Variants in GPX5 observed in about 807,000 individuals in gnomAD.
GPX5 encodes glutathione peroxidase 5, also known as epididymal secretory glutathione peroxidase.
A neutral mutation model predicts 23.8 loss-of-function variants in GPX5; 20 were observed. That is an observed-to-expected ratio of 0.84 (90% CI 0.59 to 1.22). The LOEUF is 1.22. GPX5 is among the 50% of genes most tolerant of loss of function. The pLI, the probability that GPX5 is intolerant of heterozygous loss-of-function variation, is 0.00. For synonymous variants in GPX5, 92 were observed against 99.5 expected, an observed-to-expected ratio of 0.92 and a Z score of 0.45; for missense variants, 230 against 266.6, an observed-to-expected ratio of 0.86 and a Z score of 0.96.
At chr6:28,531,370 C>CAAAAAAAAA in intron 2 of GPX5, among the ~76,000 whole-genome samples, 1 of 50,110 alleles carries the variant, frequency 2.0e-5, no homozygotes, top group Non-Finnish European at 3.6e-5. Context: ...GAATCTGTCT[C>CAAAAAAAAA]AAAAAAAAAA....
chr6:28,531,878 G>C lies in GPX5; in HGVS notation c.342G>C (p.Glu114Asp), dbSNP rs753507134. The change falls in exon 3 of 5, where the codon GAG (glutamate) becomes GAC (aspartate). Residue 114 changes from glutamate (E) to aspartate (D), a missense_variant. Physicochemically the swap from Glu to Asp is conservative, Grantham distance 45 (BLOSUM62 2). Coordinates refer to ENST00000412168, the MANE Select transcript of GPX5 (RefSeq NM_001509.3). ...FGKQEPGDNKEILPGLKYVRP... is the reference protein window; with the variant it reads ...FGKQEPGDNKDILPGLKYVRP... ...AGCAAGAACCAGGAGATAACAAAGA[G>C]ATTCTTCCTGGGCTCAAGTACGTGT... The C allele has an allele frequency of 3.1e-6, 5 of 1,612,626 alleles. No homozygotes were observed. The highest frequency in any genetic ancestry group is 4.2e-6 in the Non-Finnish European group (5 of 1,178,840).
chr6:28,527,260 A>T (rs1763225384), intron 1 of GPX5, among the ~76,000 whole-genome samples: 1 of 152,220 alleles, frequency 6.6e-6, no homozygotes, highest in Non-Finnish European at 1.5e-5. Context: ...AAAAGAAAAA[A>T]AAAAGGCAAA....
At chr6:28,532,978 G>A (rs1193653060) in intron 4 of GPX5, among the ~76,000 whole-genome samples, 2 of 152,066 alleles carry the variant, frequency 1.3e-5, no homozygotes, top group Non-Finnish European at 2.9e-5. Context: ...AAAATTAGCT[G>A]GGTGTGGTGG....
intron 1 of GPX5, 104 bp downstream of exon 1, chr6:28,526,204 T>A: frequency 2.3e-6 from 2 of 875,222 alleles, no homozygotes; most frequent in Admixed American, 3.8e-5. Context: ...TTTCTTCTTC[T>A]TTGCCAGTTC....
chr6:28,528,813 GTATA>G lies in GPX5; in HGVS notation c.88-574_88-571del, dbSNP rs70983945. Among the ~76,000 whole-genome samples, 11 of 95,710 alleles carry G rather than the reference GTATA, an allele frequency of 1.1e-4. No homozygotes were observed. In the East Asian group the frequency reaches 2.6e-3, roughly 23 times the overall value. 62.8% of individuals were successfully genotyped at this position (95,710 alleles called of 152,430 possible). On this transcript the variant is annotated intron_variant, in intron 1 of 4. Coordinates refer to ENST00000412168, the MANE Select transcript of GPX5 (RefSeq NM_001509.3). ...TATATGTGTATATATATATATGTGT[GTATA>G]TATATATATATATATATATATATAT...
rs1763348564 is a variant in GPX5 at position 28,532,503 on chromosome 6, G to T, written c.459+83G>T. 9 of 894,716 alleles carry T rather than the reference G, an allele frequency of 1.0e-5. No homozygotes were observed. The South Asian group carries it at 1.4e-4, about 14-fold the overall frequency. 55.4% of individuals were successfully genotyped at this position (894,716 alleles called of 1,614,324 possible). On this transcript the variant is annotated intron_variant, in intron 4 of 4. Transcript: ENST00000412168. ...TGGTGTGGCAGAAATGGATCCAAGGGCTCATGCCCAGAGGTGGGATTGGTC... is the reference window on the plus strand; with the variant it reads ...TGGTGTGGCAGAAATGGATCCAAGGTCTCATGCCCAGAGGTGGGATTGGTC...
rs1763203406 is a variant in GPX5 at position 28,526,085 on chromosome 6, G to A, written c.72G>A (p.Lys24=). The change falls in exon 1 of 5, where the codon AAG becomes AAA. Residue 24 remains lysine (K), a synonymous_variant. Coordinates refer to ENST00000412168, the MANE Select transcript of GPX5 (RefSeq NM_001509.3). ...CCTGCTTTGTGCAAACAAGTCCCAA[G>A]CAGGAGAAGATGAAGGTGAGTGAGC... ...LLACFVQTSP[K]QEKMKMDCHK... 1.2e-6 allele frequency: 2 copies of A among 1,612,820 alleles called. No homozygotes were observed. The highest frequency in any genetic ancestry group is 1.1e-5 in the South Asian group (1 of 91,022).
intron 1 of GPX5, chr6:28,528,342 G>A (rs900774753): frequency 6.6e-6 from 1 of 152,070 alleles, no homozygotes; most frequent in Non-Finnish European, 1.5e-5. Context: ...TTTTACTCAT[G>A]GGGAAACTGA....
At chr6:28,533,892 G>A (rs1452712668) in intron 4 of GPX5, 69 bp from the exon 5 acceptor site, 5 of 1,033,840 alleles carry the variant, frequency 4.8e-6, no homozygotes, top group Non-Finnish European at 6.9e-6. Context: ...ATTACCTGTG[G>A]GTAAAAATAG....
At chr6:28,532,485 G>T in intron 4 of GPX5, 65 bp downstream of exon 4, 1 of 1,078,498 alleles carries the variant, frequency 9.3e-7, no homozygotes, top group South Asian at 1.4e-5. Flanking sequence ...AGTTGGTGTG[G>T]CAGAAATGGA....
chr6:28,528,091 G>A (rs1763241394), intron 1 of GPX5: 1 of 152,222 alleles, frequency 6.6e-6, no homozygotes, highest in African/African-American at 2.4e-5. Context: ...GGGCTGATGA[G>A]CTGGGTGATG....
chr6:28,529,452 T>G lies in GPX5; in HGVS notation c.89T>G (p.Met30Arg). Residue 30 changes from methionine (M) to arginine (R), a missense_variant and splice_region_variant, in exon 2 of 5, where the codon ATG becomes AGG. By Grantham distance (91) the Met-to-Arg change is moderately conservative. Transcript: ENST00000412168. ...QTSPKQEKMK[M>R]DCHKDEKGTI... ...TATCACTTAAAAAAAATCTTCCAGA[T>G]GGATTGCCACAAAGACGAGAAAGGC... 1.2e-6 allele frequency: 2 copies of G among 1,604,410 alleles called. No homozygotes were observed. Among genetic ancestry groups the G allele is most frequent in the Admixed American group, 3.4e-5 (2 of 58,538 alleles).
rs1763398080 is a variant in GPX5 at position 28,534,800 on chromosome 6, A to G, written c.*633A>G. 1 of 152,166 alleles carries G rather than the reference A, an allele frequency of 6.6e-6. No individual in the cohort carries two copies. Among genetic ancestry groups the G allele is most frequent in the Non-Finnish European group, 1.5e-5 (1 of 68,058 alleles). The allele number at this position is 152,166 out of a possible 1,614,324, so 9.4% of individuals were successfully genotyped here. A position where few individuals can be genotyped will look rare whatever the true frequency, so the allele number is the denominator to read the frequency against. ...CTCTGGCCCTACAAAAGTTTTCCTA[A>G]TTGTCTGATCTTTAGTGCATTCAGG... On this transcript the variant is annotated 3_prime_UTR_variant, in exon 5 of 5. Coordinates refer to ENST00000412168, the MANE Select transcript of GPX5 (RefSeq NM_001509.3).
In GPX5 at chr6:28,534,197, T is replaced by C. The variant is rs780148040; in HGVS notation, c.*30T>C. On this transcript the variant is annotated 3_prime_UTR_variant, in exon 5 of 5. Transcript: ENST00000412168. ...GTGGAGTTAAGGGCAGGAGCAACCC[T>C]ACTTCTCACCTAATGACTTGCTCTC... 28 of 1,480,710 alleles carry C rather than the reference T, an allele frequency of 1.9e-5. No homozygotes were observed. In the East Asian group the frequency reaches 6.4e-4, roughly 34 times the overall value. The allele number at this position is 1,480,710 out of a possible 1,614,324, so 91.7% of individuals were successfully genotyped here.
chr6:28,527,729 T>C (rs552576522), intron 1 of GPX5: 1 of 152,338 alleles, frequency 6.6e-6, no homozygotes. Flanking sequence ...TTCCTTTTCA[T>C]ATTCCTGTCA....
intron 4 of GPX5, among the ~76,000 whole-genome samples, chr6:28,532,843 G>A (rs1335028410): frequency 1.3e-5 from 2 of 152,206 alleles, no homozygotes; most frequent in Non-Finnish European, 2.9e-5. Context: ...AGCTGGGGTG[G>A]TGGTTCATGC....
chr6:28,528,416 C>T (rs989110256), intron 1 of GPX5: 5 of 152,126 alleles, frequency 3.3e-5, no homozygotes, highest in African/African-American at 1.2e-4. Context: ...GCTTCTGATT[C>T]CCAGGGCAGT....
intron 1 of GPX5, among the ~76,000 whole-genome samples, chr6:28,529,185 C>T (rs1763266043): frequency 6.6e-6 from 1 of 151,770 alleles, no homozygotes; most frequent in Admixed American, 6.6e-5. Flanking sequence ...TCTCTATCTC[C>T]GTGAGTTCAA....
chr6:28,531,794 G>A lies in GPX5; in HGVS notation c.258G>A (p.Gln86=). The A allele has an allele frequency of 6.2e-7, 1 of 1,611,992 alleles. No homozygotes were observed. The highest frequency in any genetic ancestry group is 8.5e-7 in the Non-Finnish European group (1 of 1,178,932). The change falls in exon 3 of 5, where the codon CAG becomes CAA. Residue 86 remains glutamine (Q), a synonymous_variant. Transcript: ENST00000412168. ...TAACTGCAGAACTAAATGCACTCCA[G>A]GAGGAGCTGAAGCCCTATGGTCTAG... ...TAQYPELNAL[Q]EELKPYGLVV...
Sources: allele counts gnomAD v4.1 joint callset (sites outside exome capture counted in the v4.1 genomes callset), GRCh38; gene constraint gnomAD v4.1.1; transcripts MANE v1.5; gene names NCBI Gene and HGNC (gene_info 2026-07-23, HGNC 2026-07-21).